The following TRAPPC10 variants were observed in gnomAD, a reference collection of about 807,000 sequenced individuals.
The protein encoded by TRAPPC10 is trafficking protein particle complex subunit 10, also known as TRAPP 130 kDa subunit.
TRAPPC10 carries 23 observed loss-of-function variants against 125.5 expected under a neutral mutation model. The ratio of observed to expected loss-of-function variants is 0.18; its 90% CI spans 0.13 to 0.26. The LOEUF is 0.26. TRAPPC10 is among the 10% of genes least tolerant of loss of function. The pLI is 1.00. For synonymous variants in TRAPPC10, 509 were observed against 518.0 expected (o/e 0.98, Z 0.24); for missense variants, 1,123 against 1,308.4 (o/e 0.86, Z 2.19).
At chr21:44,095,229 TTTTATTTATTTA>T (rs200168527) in intron 20 of TRAPPC10, among the ~76,000 whole-genome samples, 12 of 149,916 alleles carry the variant, frequency 8.0e-5, no homozygotes, top group Admixed American at 4.0e-4. Flanking sequence ...TTTTATTTTA[TTTTATTTATTTA>T]TTTATTTATT....
rs17004621 is a variant in TRAPPC10, at chr21:44,026,742, T to G, written c.68-5349T>G. On this transcript the variant is annotated intron_variant, in intron 1 of 22. Coordinates refer to ENST00000291574, the MANE Select transcript of TRAPPC10 (RefSeq NM_003274.5). Reference sequence around the variant, plus strand: ...CTTGGAGGGCCTTAAAATTAGTTCATCTCTTGTCTAGTCCAGTCACTCCGC... The same window carrying G: ...CTTGGAGGGCCTTAAAATTAGTTCAGCTCTTGTCTAGTCCAGTCACTCCGC... Among the ~76,000 whole-genome samples, 780 of 152,348 alleles carry G rather than the reference T, an allele frequency of 5.1e-3. 4 individuals carry two copies. Among genetic ancestry groups the G allele is most frequent in the African/African-American group, 0.018 (752 of 41,580 alleles).
chr21:44,089,527 G>A (rs956177139), intron 17 of TRAPPC10: 19 of 495,724 alleles, frequency 3.8e-5, no homozygotes, highest in Middle Eastern at 6.0e-4. Flanking sequence ...GCGTGTATGG[G>A]AGCAGCAGGT....
intron 1 of TRAPPC10, among the ~76,000 whole-genome samples, chr21:44,029,363 G>A (rs2033372871): frequency 6.6e-6 from 1 of 152,166 alleles, no homozygotes; most frequent in Non-Finnish European, 1.5e-5. Flanking sequence ...CAATCTGCTG[G>A]GATTACAGGC....
At chr21:44,073,227 G>A (rs756693938) in intron 7 of TRAPPC10, among the ~76,000 whole-genome samples, 1 of 152,030 alleles carries the variant, frequency 6.6e-6, no homozygotes, top group Non-Finnish European at 1.5e-5. Flanking sequence ...TTCCTTGTTG[G>A]TTCCAGGTCC....
intron 5 of TRAPPC10, among the ~76,000 whole-genome samples, chr21:44,058,750 G>A (rs150438746): frequency 1.2e-3 from 181 of 152,308 alleles, no homozygotes; most frequent in African/African-American, 4.2e-3. Context: ...GAGAGCCTCG[G>A]GGAGCGAGAG....
At chr21:44,073,411 TA>T (rs918684615) in intron 7 of TRAPPC10, among the ~76,000 whole-genome samples, 1 of 152,206 alleles carries the variant, frequency 6.6e-6, no homozygotes, top group African/African-American at 2.4e-5. Flanking sequence ...CATTGCCACT[TA>T]AAAGTGTAAG....
intron 6 of TRAPPC10, chr21:44,062,761 G>C: frequency 2.0e-6 from 2 of 985,470 alleles, no homozygotes; most frequent in Non-Finnish European, 2.4e-6. Flanking sequence ...CGCTCCCCGG[G>C]TCTGAGGAGA....
intron 17 of TRAPPC10, 165 bp from the exon 18 acceptor site, chr21:44,089,668 T>C (rs2038440021): frequency 1.6e-6 from 1 of 640,634 alleles, no homozygotes. Context: ...CGTTGGTTTG[T>C]GTATGTGTTG....
intron 1 of TRAPPC10, among the ~76,000 whole-genome samples, chr21:44,013,438 T>C (rs916901882): frequency 3.3e-5 from 5 of 152,228 alleles, no homozygotes; most frequent in African/African-American, 1.2e-4. Context: ...CAGTATTCTG[T>C]ATTTTCATGC....
intron 7 of TRAPPC10, among the ~76,000 whole-genome samples, chr21:44,064,520 A>T (rs1257258812): frequency 3.3e-5 from 5 of 152,156 alleles, no homozygotes; most frequent in Admixed American, 6.5e-5. Context: ...ACACACACAC[A>T]AAATGATACT....
intron 6 of TRAPPC10, chr21:44,062,710 G>T (rs901233263): frequency 1.0e-6 from 1 of 985,314 alleles, no homozygotes; most frequent in Non-Finnish European, 1.2e-6. Flanking sequence ...GAGGATGCTG[G>T]TGCAGGGGCT....
At chr21:44,024,304 C>G (rs1185008915) in intron 1 of TRAPPC10, among the ~76,000 whole-genome samples, 1 of 152,180 alleles carries the variant, frequency 6.6e-6, no homozygotes, top group African/African-American at 2.4e-5. Flanking sequence ...GGCTTGTGGA[C>G]ACACAGATGG....
intron 1 of TRAPPC10, among the ~76,000 whole-genome samples, chr21:44,021,200 G>A (rs2032465943): frequency 6.6e-6 from 1 of 152,210 alleles, no homozygotes; most frequent in African/African-American, 2.4e-5. Flanking sequence ...ATCCTGGGTT[G>A]TCTAGTGTGG....
In TRAPPC10 at chr21:44,024,423, A is replaced by C. The variant is rs533018780; in HGVS notation, c.68-7668A>C. 2.0e-5 allele frequency among the ~76,000 whole-genome samples: 3 copies of C among 152,320 alleles called. No homozygotes were observed. The South Asian group carries it at 6.2e-4, about 32-fold the overall frequency. ...GATGCTGAAGGGCCAGGGGCCACTG[A>C]ATAGAACATCACACGATTGCTCACT... On this transcript the variant is annotated intron_variant, in intron 1 of 22. Transcript: ENST00000291574.
At chr21:44,089,730 C>T (rs1455592246) in intron 17 of TRAPPC10, 103 bp from the exon 18 acceptor site, 7 of 802,382 alleles carry the variant, frequency 8.7e-6, no homozygotes, top group African/African-American at 1.7e-5. Context: ...AATAAAATGT[C>T]TAGGGCGTGG....
chr21:44,077,003 A>C (rs577867932), intron 10 of TRAPPC10, among the ~76,000 whole-genome samples: 4 of 152,296 alleles, frequency 2.6e-5, no homozygotes, highest in African/African-American at 9.6e-5. Flanking sequence ...ACTTTAAAAA[A>C]CGGCGTAGGC....
Position 44,086,045 on chromosome 21 carries a change from C to G in TRAPPC10, c.2381-757C>G, listed in dbSNP as rs151003130. 1.5e-3 allele frequency among the ~76,000 whole-genome samples: 225 copies of G among 152,358 alleles called. 1 individual carries two copies. The highest frequency in any genetic ancestry group is 5.1e-3 in the African/African-American group (214 of 41,578). On this transcript the variant is annotated intron_variant, in intron 15 of 22. Transcript: ENST00000291574. The stretch of plus-strand genomic sequence containing the variant: ...GCTGTCAGATGTGGGACACAGCAGT[C>G]AGTCTCTCCAGTGATTCTTCCATTG...
chr21:44,049,169 AC>A (rs1476767200), intron 3 of TRAPPC10, among the ~76,000 whole-genome samples: 3 of 151,936 alleles, frequency 2.0e-5, no homozygotes, highest in Non-Finnish European at 4.4e-5. Context: ...ACGTGTGTAC[AC>A]CCACACGTGT....
chr21:44,016,555 G>C (rs2031863697), intron 1 of TRAPPC10, among the ~76,000 whole-genome samples: 1 of 152,180 alleles, frequency 6.6e-6, no homozygotes, highest in African/African-American at 2.4e-5. Flanking sequence ...TCTGATATTA[G>C]AAACTTTTAA....
Sources: allele counts gnomAD v4.1 joint callset (sites outside exome capture counted in the v4.1 genomes callset), GRCh38; gene constraint gnomAD v4.1.1; transcripts MANE v1.5; gene names NCBI Gene and HGNC (gene_info 2026-07-23, HGNC 2026-07-21).